The following PPARA variants were observed in gnomAD, a reference collection of about 807,000 sequenced individuals.
PPARA encodes the protein peroxisome proliferator-activated receptor alpha.
In PPARA, 22 loss-of-function variants were observed where a neutral mutation model predicts 42.2. The ratio of observed to expected loss-of-function variants is 0.52; its 90% CI spans 0.37 to 0.74. PPARA has a LOEUF of 0.74. Among genes scored for constraint, PPARA ranks in the 30% least tolerant of loss-of-function variants. The pLI, the probability that PPARA is intolerant of heterozygous loss-of-function variation, is 0.00. For synonymous variants in PPARA, 242 were observed against 239.3 expected, an observed-to-expected ratio of 1.01 and a Z score of -0.10; for missense variants, 465 against 608.2, an observed-to-expected ratio of 0.76 and a Z score of 2.48.
At chr22:46,201,648 G>T (rs914265920) in intron 4 of PPARA, among the ~76,000 whole-genome samples, 2 of 152,038 alleles carry the variant, frequency 1.3e-5, no homozygotes, top group African/African-American at 4.8e-5. Context: ...CTCACACCTC[G>T]GCTTGCCTAA....
rs1043776441 is a variant in PPARA at position 46,191,613 on chromosome 22, A to G, written c.-42-6729A>G. ...GACTTCTGTTCTAGATATCCATTAC[A>G]TTTTTGTAGTCTTCGGACACACTGT... On this transcript the variant is annotated intron_variant, in intron 3 of 8. Transcript: ENST00000407236. This position sits in a 1 kb window ranked among gnomAD's most constrained non-coding sequence, Gnocchi z 4.6. 1.3e-5 allele frequency among the ~76,000 whole-genome samples: 2 copies of G among 151,478 alleles called. No individual in the cohort carries two copies. Among genetic ancestry groups the G allele is most frequent in the South Asian group, 4.2e-4 (2 of 4,814 alleles).
intron 4 of PPARA, among the ~76,000 whole-genome samples, chr22:46,209,461 C>G (rs935807752): frequency 7.3e-6 from 1 of 137,300 alleles, no homozygotes; most frequent in Non-Finnish European, 1.6e-5. Context: ...CATTAGGCCA[C>G]TTGAAGTTGT....
chr22:46,229,017 G>A (rs1428139569), intron 7 of PPARA, among the ~76,000 whole-genome samples: 1 of 151,616 alleles, frequency 6.6e-6, no homozygotes, highest in African/African-American at 2.4e-5. Flanking sequence ...TGAGGCAGGA[G>A]AATGGCATGA....
intron 5 of PPARA, among the ~76,000 whole-genome samples, chr22:46,215,967 G>A (rs1218370516): frequency 2.0e-5 from 3 of 152,118 alleles, no homozygotes; most frequent in Non-Finnish European, 4.4e-5. Flanking sequence ...TGGAAAAATT[G>A]TCTTCCATGA....
At chr22:46,228,123 A>T (rs1935597602) in intron 7 of PPARA, among the ~76,000 whole-genome samples, 1 of 152,254 alleles carries the variant, frequency 6.6e-6, no homozygotes, top group East Asian at 1.9e-4. Flanking sequence ...CCATAGAACT[A>T]GTCCACGGTG....
In PPARA at chr22:46,195,389, TAC is replaced by T. The variant is rs1288628318; in HGVS notation, c.-42-2951_-42-2950del. Among the ~76,000 whole-genome samples, 2 of 152,224 alleles carry T rather than the reference TAC, an allele frequency of 1.3e-5. No homozygotes were observed. Among genetic ancestry groups the T allele is most frequent in the East Asian group, 1.9e-4 (1 of 5,198 alleles). Reference sequence around the variant, plus strand: ...AGAATAAAATACTACAGAAAATCTGTACAGAGTCCCAGCCTGACTTATGCTAG... The same window carrying T: ...AGAATAAAATACTACAGAAAATCTGTAGAGTCCCAGCCTGACTTATGCTAG... On this transcript the variant is annotated intron_variant, in intron 3 of 8. Coordinates refer to ENST00000407236, the MANE Select transcript of PPARA (RefSeq NM_005036.6). The surrounding 1 kb of genome is among the most constrained non-coding windows in gnomAD (Gnocchi z 4.6).
Position 46,150,542 on chromosome 22 carries a change from CGCGGCGGGGGCAGCGG to C in PPARA, c.-308_-293del, listed in dbSNP as rs1231772233. The stretch of plus-strand genomic sequence containing the variant: ...GCATGGGCCGTGGACGCGGCGGCCC[CGCGGCGGGGGCAGCGG>C]GCGGCGGGGGCGGAGGCGGCCGCTA... On this transcript the variant is annotated 5_prime_UTR_variant, in exon 1 of 9. Transcript: ENST00000407236. The surrounding 1 kb of genome is among the most constrained non-coding windows in gnomAD (Gnocchi z 7.5). The C allele has an allele frequency of 7.0e-6, 1 of 141,988 alleles. No homozygotes were observed. The highest frequency in any genetic ancestry group is 2.5e-5 in the African/African-American group (1 of 39,956). 8.8% of individuals were successfully genotyped at this position (141,988 alleles called of 1,614,324 possible).
chr22:46,174,923 T>C (rs1022568482), intron 2 of PPARA, among the ~76,000 whole-genome samples: 5 of 152,086 alleles, frequency 3.3e-5, no homozygotes, highest in African/African-American at 1.2e-4. Context: ...TTTACTTTTT[T>C]TTTTTTGAGA....
chr22:46,221,660 G>A lies in PPARA; in HGVS notation c.711+1646G>A, dbSNP rs1378285376. On this transcript the variant is annotated intron_variant, in intron 7 of 8. Coordinates refer to ENST00000407236, the MANE Select transcript of PPARA (RefSeq NM_005036.6). The surrounding 1 kb of genome is among the most constrained non-coding windows in gnomAD (Gnocchi z 5.9). ...TAAAAATACAAAAAATTAGCCGGGC[G>A]TGGTGGCGGGCGCCTGTAGTCTCAG... Among the ~76,000 whole-genome samples, 3 of 152,042 alleles carry A rather than the reference G, an allele frequency of 2.0e-5. No individual in the cohort carries two copies. The highest frequency in any genetic ancestry group is 1.9e-4 in the East Asian group (1 of 5,186).
At position 46,187,462 on chromosome 22, in the gene PPARA, C is replaced by T. The variant is rs868126470; in HGVS notation, c.-43+10626C>T. ...AGTTGTCAGGATCAGCTCTTTATCT[C>T]GCAGTCCTCCTGCCTCTTGTGTCAT... is the stretch of plus-strand genomic sequence containing the variant. On this transcript the variant is annotated intron_variant, in intron 3 of 8. Transcript: ENST00000407236. The surrounding 1 kb of genome is among the most constrained non-coding windows in gnomAD (Gnocchi z 4.9). 5.3e-5 allele frequency among the ~76,000 whole-genome samples: 8 copies of T among 152,352 alleles called. No individual in the cohort carries two copies. The highest frequency in any genetic ancestry group is 3.9e-4 in the East Asian group (2 of 5,188).
chr22:46,151,042 C>G (rs1009040945), intron 1 of PPARA: 1 of 152,154 alleles, frequency 6.6e-6, no homozygotes, highest in Non-Finnish European at 1.5e-5. Context: ...AGGGAGGGCC[C>G]ACGGGCGGGG....
rs1192033690 is a variant in PPARA at position 46,204,433 on chromosome 22, G to A, written c.208+5842G>A. On this transcript the variant is annotated intron_variant, in intron 4 of 8. Transcript: ENST00000407236. This position sits in a 1 kb window ranked among gnomAD's most constrained non-coding sequence, Gnocchi z 5.2. ...TAAGAAACTGCCAAAATCTTTTCCA[G>A]CATTTCAGAAAAATCTTAGAAAATG... Among the ~76,000 whole-genome samples, 1 of 152,194 alleles carries A rather than the reference G, an allele frequency of 6.6e-6. No individual in the cohort carries two copies. Among genetic ancestry groups the A allele is most frequent in the Non-Finnish European group, 1.5e-5 (1 of 68,042 alleles).
rs1475187960 is a variant in PPARA at position 46,191,480 on chromosome 22, G to A, written c.-42-6862G>A. 6.7e-6 allele frequency among the ~76,000 whole-genome samples: 1 copy of A among 148,414 alleles called. No homozygotes were observed. The highest frequency in any genetic ancestry group is 1.5e-5 in the Non-Finnish European group (1 of 67,406). On this transcript the variant is annotated intron_variant, in intron 3 of 8. Coordinates refer to ENST00000407236, the MANE Select transcript of PPARA (RefSeq NM_005036.6). The surrounding 1 kb of genome is among the most constrained non-coding windows in gnomAD (Gnocchi z 4.6). ...AATCTGTTCCTCCCTATTGTGTTCA[G>A]TATGGTTTTTTTTTTTTTTTTCCTT...
Position 46,236,523 on chromosome 22 carries a change from CT to C in PPARA, c.*1144del, listed in dbSNP as rs1936211449. 6.5e-6 allele frequency: 1 copy of C among 152,680 alleles called. No individual in the cohort carries two copies. The highest frequency in any genetic ancestry group is 1.5e-5 in the Non-Finnish European group (1 of 68,058). 9.5% of individuals were successfully genotyped at this position (152,680 alleles called of 1,614,324 possible). A position where few individuals can be genotyped will look rare whatever the true frequency, so the allele number is the denominator to read the frequency against. On this transcript the variant is annotated 3_prime_UTR_variant, in exon 9 of 9. Transcript: ENST00000407236. The surrounding 1 kb of genome is among the most constrained non-coding windows in gnomAD (Gnocchi z 5.2). Reference sequence around the variant, plus strand: ...GTCAACCTGAACCCACCCAGTCCAGCTGTCTGTGGGAATGGTGGTGTTCTTA... The same window carrying C: ...GTCAACCTGAACCCACCCAGTCCAGCGTCTGTGGGAATGGTGGTGTTCTTA...
intron 2 of PPARA, among the ~76,000 whole-genome samples, chr22:46,174,215 A>G (rs149516555): frequency 3.4e-5 from 5 of 147,446 alleles, no homozygotes; most frequent in South Asian, 4.4e-4. Flanking sequence ...AGAGAGAGAG[A>G]GAGGGAGAAA....
rs568910954 is a variant in PPARA at position 46,158,898 on chromosome 22, G to T, written c.-127+6928G>T. 2.0e-5 allele frequency among the ~76,000 whole-genome samples: 3 copies of T among 151,748 alleles called. No individual in the cohort carries two copies. The South Asian group carries it at 6.2e-4, about 32-fold the overall frequency. ...TGGGATAGTGTCTCTTTTTTTTGTC[G>T]GGGGTGTTGAGGCTGGAGTCTCGCT... On this transcript the variant is annotated intron_variant, in intron 2 of 8. Transcript: ENST00000407236.
chr22:46,220,061 G>C (rs780921521), intron 7 of PPARA, 47 bp downstream of exon 7: 2 of 1,588,674 alleles, frequency 1.3e-6, no homozygotes, highest in Non-Finnish European at 1.7e-6. Flanking sequence ...CATGGAACCA[G>C]TGTCGTAGAG....
rs1207500663 is a variant in PPARA at position 46,187,347 on chromosome 22, C to T, written c.-43+10511C>T. ...CTCCTTGTCTTTATATTCCAAATTT[C>T]GTGGGTGCCACCTCCTCTGCCCAGT... On this transcript the variant is annotated intron_variant, in intron 3 of 8. Transcript: ENST00000407236. This position sits in a 1 kb window ranked among gnomAD's most constrained non-coding sequence, Gnocchi z 4.9. Among the ~76,000 whole-genome samples, 4 of 152,194 alleles carry T rather than the reference C, an allele frequency of 2.6e-5. No individual in the cohort carries two copies. The highest frequency in any genetic ancestry group is 3.8e-4 in the East Asian group (2 of 5,200).
chr22:46,228,780 T>A (rs1935653690), intron 7 of PPARA, among the ~76,000 whole-genome samples: 1 of 152,110 alleles, frequency 6.6e-6, no homozygotes, highest in African/African-American at 2.4e-5. Flanking sequence ...ACTCAGTGTT[T>A]CTTATTTTTT....
Sources: gnomAD v4.1 joint callset for allele counts (sites outside exome capture counted in the v4.1 genomes callset) on GRCh38, gnomAD v4.1.1 for gene constraint, Gnocchi (gnomAD v3.1) non-coding constraint, MANE v1.5 for transcripts, NCBI Gene and HGNC (gene_info 2026-07-23, HGNC 2026-07-21) for gene names.